The following ABCB8 variants were observed in gnomAD, a reference collection of about 807,000 sequenced individuals.
ABCB8 encodes mitochondrial potassium channel ATP-binding subunit.
In ABCB8, 52 loss-of-function variants were observed where a neutral mutation model predicts 73.0. The ratio of observed to expected loss-of-function variants is 0.71; its 90% CI spans 0.57 to 0.90. The LOEUF (loss-of-function observed/expected upper bound fraction) is 0.90, where lower values mean the gene tolerates loss of function less well. Ranked by LOEUF, ABCB8 falls within the 40% of genes least tolerant of loss-of-function variation. The probability of loss-of-function intolerance (pLI) is 0.00; values close to 1 mark genes in which losing one functional copy is unlikely to be tolerated. For synonymous variants in ABCB8, 428 were observed against 423.5 expected, an observed-to-expected ratio of 1.01 and a Z score of -0.13; for missense variants, 909 against 974.6, an observed-to-expected ratio of 0.93 and a Z score of 0.90.
chr7:151,031,353 T>A (rs1322307805), intron 1 of ABCB8: 8 of 1,515,414 alleles, frequency 5.3e-6, no homozygotes, highest in Non-Finnish European at 7.1e-6. Flanking sequence ...CATAAAAACC[T>A]GGCAGTTGGA....
In ABCB8 at chr7:151,036,445, T is replaced by C. The variant is rs541380820; in HGVS notation, c.1112-99T>C. On this transcript the variant is annotated intron_variant, in intron 8 of 15. Coordinates refer to ENST00000358849, the MANE Select transcript of ABCB8 (RefSeq NM_007188.5). ...AGGAAGCCAACGCTGGGACCAGTCA[T>C]GCGCCTCACCTGACTCTCCCAGTCA... The C allele has an allele frequency of 1.8e-5, 20 of 1,136,176 alleles. No individual in the cohort carries two copies. The South Asian group carries it at 2.4e-4, about 14-fold the overall frequency. The allele number at this position is 1,136,176 out of a possible 1,614,324, so 70.4% of individuals were successfully genotyped here.
In ABCB8 at chr7:151,034,357, G is replaced by C; in HGVS notation, c.493G>C (p.Asp165His). 6.2e-7 allele frequency: 1 copy of C among 1,613,908 alleles called. No homozygotes were observed. Among genetic ancestry groups the C allele is most frequent in the Non-Finnish European group, 8.5e-7 (1 of 1,180,004 alleles). ...LVEVVAKYTR[D>H]HVGSFMTESQ... ...AGAGGTCGTGGCCAAGTACACAAGG[G>C]ACCACGTAGGGAGTTTCATGACTGA... The change falls in exon 3 of 16, where the codon GAC becomes CAC. Residue 165 changes from aspartate (D) to histidine (H), a missense_variant. Asp to His is a moderately conservative substitution (Grantham distance 81, BLOSUM62 -1). Coordinates refer to ENST00000358849, the MANE Select transcript of ABCB8 (RefSeq NM_007188.5).
rs1242707039 is a variant in ABCB8, at chr7:151,028,929, A to C, written c.95+319A>C. The C allele has an allele frequency of 8.0e-6, 11 of 1,369,444 alleles. No homozygotes were observed. In the Admixed American group the frequency reaches 2.4e-4, roughly 29 times the overall value. 84.8% of individuals were successfully genotyped at this position (1,369,444 alleles called of 1,614,324 possible). ...CCCTGGAGGTGATTGCGCGATTTGG[A>C]CGAAAATTCTTATTAGTATGAAGAG... On this transcript the variant is annotated intron_variant, in intron 1 of 15. Coordinates refer to ENST00000358849, the MANE Select transcript of ABCB8 (RefSeq NM_007188.5).
Position 151,035,578 on chromosome 7 carries a change from T to C in ABCB8, c.766-3T>C. 1 of 1,595,502 alleles carries C rather than the reference T, an allele frequency of 6.3e-7. No homozygotes were observed. Among genetic ancestry groups the C allele is most frequent in the Non-Finnish European group, 8.6e-7 (1 of 1,167,772 alleles). On this transcript the variant is annotated splice_region_variant and splice_polypyrimidine_tract_variant and intron_variant, in intron 5 of 15. Coordinates refer to ENST00000358849, the MANE Select transcript of ABCB8 (RefSeq NM_007188.5). ...GCCTCCCGCCTTCCCTCCCACTCCCTAGGGGCTGCGAAGCTGCACCCAGGT... is the reference window on the plus strand; with the variant it reads ...GCCTCCCGCCTTCCCTCCCACTCCCCAGGGGCTGCGAAGCTGCACCCAGGT...
rs1296371502 is a variant in ABCB8 at position 151,031,274 on chromosome 7, A to G, written c.96-2331A>G. On this transcript the variant is annotated intron_variant, in intron 1 of 15. Transcript: ENST00000358849. The stretch of plus-strand genomic sequence containing the variant: ...GGCGTAATGGGAAAACTGGACAGTT[A>G]CACAAGGCAGAAGGAGAGTAAGCGT... The G allele has an allele frequency of 1.9e-6, 3 of 1,555,806 alleles. No individual in the cohort carries two copies. In the Admixed American group the frequency reaches 5.6e-5, roughly 29 times the overall value.
rs1191175768 is a variant in ABCB8, at chr7:151,046,333, C to T, written c.*984C>T. The T allele has an allele frequency of 6.6e-6, 1 of 152,344 alleles. No homozygotes were observed. The highest frequency in any genetic ancestry group is 2.4e-5 in the African/African-American group (1 of 41,462). 9.4% of individuals were successfully genotyped at this position (152,344 alleles called of 1,614,324 possible). ...TGCGGCTGTGGACAGGCCAGCATCC[C>T]CAGCAGGTTCTGGGAGGCGCACCTT... On this transcript the variant is annotated 3_prime_UTR_variant, in exon 16 of 16. Coordinates refer to ENST00000358849, the MANE Select transcript of ABCB8 (RefSeq NM_007188.5).
At position 151,036,536 on chromosome 7, in the gene ABCB8, T is replaced by C. The variant is rs1191626493; in HGVS notation, c.1112-8T>C. ...GCTTCGTCCTCCCTCACTTCCCCTC[T>C]CCTGCAGGCATGGTCTTGGGTACCC... On this transcript the variant is annotated splice_polypyrimidine_tract_variant and splice_region_variant and intron_variant, in intron 8 of 15. Transcript: ENST00000358849. 6.2e-7 allele frequency: 1 copy of C among 1,612,408 alleles called. No homozygotes were observed. Among genetic ancestry groups the C allele is most frequent in the East Asian group, 2.2e-5 (1 of 44,866 alleles).
chr7:151,031,342 A>G (rs946610205), intron 1 of ABCB8: 6 of 1,521,490 alleles, frequency 3.9e-6, no homozygotes, highest in Non-Finnish European at 5.3e-6. Context: ...GGAAAACAAG[A>G]CATAAAAACC....
Position 151,046,484 on chromosome 7 carries a change from T to A in ABCB8, c.*1135T>A, listed in dbSNP as rs1796616464. 1 of 152,250 alleles carries A rather than the reference T, an allele frequency of 6.6e-6. No individual in the cohort carries two copies. The highest frequency in any genetic ancestry group is 2.4e-5 in the African/African-American group (1 of 41,444). 9.4% of individuals were successfully genotyped at this position (152,250 alleles called of 1,614,324 possible). A position where few individuals can be genotyped will look rare whatever the true frequency, so the allele number is the denominator to read the frequency against. On this transcript the variant is annotated 3_prime_UTR_variant, in exon 16 of 16. Coordinates refer to ENST00000358849, the MANE Select transcript of ABCB8 (RefSeq NM_007188.5). ...CACACAAGTAGGTCCTTGGCTGAACTGGTGCCCCAGCAGGACCTCGTGTCC... is the reference window on the plus strand; with the variant it reads ...CACACAAGTAGGTCCTTGGCTGAACAGGTGCCCCAGCAGGACCTCGTGTCC...
intron 13 of ABCB8, 114 bp from the exon 14 acceptor site, chr7:151,041,847 G>T: frequency 2.3e-6 from 3 of 1,301,708 alleles, no homozygotes; most frequent in Non-Finnish European, 3.2e-6. Context: ...TTCTTCAAGA[G>T]ATCCTAATCT....
rs1462741267 is a variant in ABCB8, at chr7:151,034,734, A to G, written c.670A>G (p.Thr224Ala). Residue 224 changes from threonine (T) to alanine (A), a missense_variant, in exon 5 of 16, where the codon ACC becomes GCC. By Grantham distance (58) the Thr-to-Ala change is moderately conservative. Transcript: ENST00000358849. ...CTTGTCCCATGCCAGACAAGACATC[A>G]CCTTCTTTGACGCCAATAAGACAGG... ...LFSSLLRQDI[T>A]FFDANKTGQL... 1 of 1,613,922 alleles carries G rather than the reference A, an allele frequency of 6.2e-7. No individual in the cohort carries two copies. Among genetic ancestry groups the G allele is most frequent in the African/African-American group, 1.3e-5 (1 of 74,988 alleles).
At position 151,045,378 on chromosome 7, in the gene ABCB8, C is replaced by G; in HGVS notation, c.*29C>G. On this transcript the variant is annotated 3_prime_UTR_variant, in exon 16 of 16. Coordinates refer to ENST00000358849, the MANE Select transcript of ABCB8 (RefSeq NM_007188.5). The stretch of plus-strand genomic sequence containing the variant: ...GGGCCCCCTGAGGTGTGGTCGCTGC[C>G]AAGCATCAGTGTTAGGGCTGGGGCT... 6.7e-7 allele frequency: 1 copy of G among 1,498,190 alleles called. No homozygotes were observed. The highest frequency in any genetic ancestry group is 8.9e-7 in the Non-Finnish European group (1 of 1,120,564). 92.8% of individuals were successfully genotyped at this position (1,498,190 alleles called of 1,614,324 possible). A position where few individuals can be genotyped will look rare whatever the true frequency, so the allele number is the denominator to read the frequency against.
At position 151,036,643 on chromosome 7, in the gene ABCB8, T is replaced by G. The variant is rs1362316390; in HGVS notation, c.1211T>G (p.Val404Gly). Residue 404 changes from valine to glycine, a missense_variant, in exon 9 of 16, where the codon GTG becomes GGG. Transcript: ENST00000358849. ...LMSFLVASQT[V>G]QRSMANLSVL... Reference sequence around the variant, plus strand: ...TCCTTCCTGGTGGCCTCCCAGACAGTGCAAAGGTAAGTGGGGGCCGTTCCC... The same window carrying G: ...TCCTTCCTGGTGGCCTCCCAGACAGGGCAAAGGTAAGTGGGGGCCGTTCCC... 3.1e-6 allele frequency: 5 copies of G among 1,606,838 alleles called. No homozygotes were observed. The highest frequency in any genetic ancestry group is 3.4e-6 in the Non-Finnish European group (4 of 1,175,778).
intron 14 of ABCB8, 96 bp downstream of exon 14, chr7:151,042,204 G>A: frequency 6.6e-7 from 1 of 1,513,912 alleles, no homozygotes; most frequent in Non-Finnish European, 9.0e-7. Flanking sequence ...GAGGGCAGCA[G>A]GGACAGCTGG....
chr7:151,040,394 A>G, intron 10 of ABCB8, 93 bp downstream of exon 10: 1 of 1,587,708 alleles, frequency 6.3e-7, no homozygotes. Flanking sequence ...GTGGGCGGGC[A>G]GAGGAGCTGG....
In ABCB8 at chr7:151,034,766, G is replaced by A. The variant is rs998567964; in HGVS notation, c.702G>A (p.Leu234=). ...TTGACGCCAATAAGACAGGGCAGCT[G>A]GTGAGCCGCTTGACAACTGACGTGC... is the stretch of plus-strand genomic sequence containing the variant. ...TFFDANKTGQ[L]VSRLTTDVQE... Residue 234 remains leucine, a synonymous_variant, in exon 5 of 16, where the codon CTG becomes CTA. Transcript: ENST00000358849. 6.2e-7 allele frequency: 1 copy of A among 1,613,978 alleles called. No homozygotes were observed. Among genetic ancestry groups the A allele is most frequent in the African/African-American group, 1.3e-5 (1 of 74,912 alleles).
intron 1 of ABCB8, among the ~76,000 whole-genome samples, chr7:151,030,112 C>T (rs1240185398): frequency 1.3e-5 from 2 of 152,124 alleles, no homozygotes; most frequent in Non-Finnish European, 1.5e-5. Flanking sequence ...TTATTTAAAC[C>T]AGAGAGAAAC....
rs747743913 is a variant in ABCB8 at position 151,041,217 on chromosome 7, C to A, written c.1602C>A (p.Val534=). 7.5e-6 allele frequency: 12 copies of A among 1,602,052 alleles called. No individual in the cohort carries two copies. Among genetic ancestry groups the A allele is most frequent in the African/African-American group, 1.3e-5 (1 of 74,930 alleles). Reference sequence around the variant, plus strand: ...CCTCCTGGCTCCGGGGCCAGGTTGTCGGCTTCATCAGCCAGGTGCGGGGCC... The same window carrying A: ...CCTCCTGGCTCCGGGGCCAGGTTGTAGGCTTCATCAGCCAGGTGCGGGGCC... ...LDPSWLRGQV[V]GFISQEPVLF... The change falls in exon 13 of 16, where the codon GTC becomes GTA. Residue 534 remains valine, a synonymous_variant. Transcript: ENST00000358849.
chr7:151,040,287 G>A lies in ABCB8; in HGVS notation c.1237G>A (p.Val413Ile). The A allele has an allele frequency of 1.9e-6, 3 of 1,613,290 alleles. No individual in the cohort carries two copies. The highest frequency in any genetic ancestry group is 2.5e-6 in the Non-Finnish European group (3 of 1,179,680). Residue 413 changes from valine to isoleucine, a missense_variant, in exon 10 of 16, where the codon GTC becomes ATC. Val to Ile is a conservative substitution (Grantham distance 29). Transcript: ENST00000358849. Reference sequence around the variant, plus strand: ...TGACAGGTCCATGGCCAACCTCTCTGTCCTGTTTGGGCAGGTGAGTGGCCG... The same window carrying A: ...TGACAGGTCCATGGCCAACCTCTCTATCCTGTTTGGGCAGGTGAGTGGCCG... ...TVQRSMANLS[V>I]LFGQVVRGLS...
Sources: allele counts gnomAD v4.1 joint callset (sites outside exome capture counted in the v4.1 genomes callset), GRCh38; gene constraint gnomAD v4.1.1; transcripts MANE v1.5; gene names NCBI Gene and HGNC (gene_info 2026-07-23, HGNC 2026-07-21).